SPINK1: variants seen among roughly 807,000 people sequenced by gnomAD.
SPINK1 encodes serine protease inhibitor Kazal-type 1.
In SPINK1, 5 loss-of-function variants were observed where a neutral mutation model predicts 9.5. The ratio of observed to expected loss-of-function variants is 0.52; its 90% CI spans 0.27 to 1.10. The LOEUF (loss-of-function observed/expected upper bound fraction) is 1.10. Ranked by LOEUF, SPINK1 falls within the 50% of genes least tolerant of loss-of-function variation. SPINK1 has a pLI of 0.11. For synonymous variants in SPINK1, 37 were observed against 32.3 expected, an observed-to-expected ratio of 1.14 and a Z score of -0.49; for missense variants, 88 against 92.7, an observed-to-expected ratio of 0.95 and a Z score of 0.21.
chr5:147,837,072 C>A, the SPINK1 span, among the ~76,000 whole-genome samples: 2 of 152,106 alleles, frequency 1.3e-5, no homozygotes, highest in African/African-American at 4.8e-5. Flanking sequence ...ATATTTATGA[C>A]CCTCAATTTT....
chr5:147,836,635 A>G (rs1756601547), upstream of SPINK1, among the ~76,000 whole-genome samples: 1 of 152,154 alleles, frequency 6.6e-6, no homozygotes, highest in Non-Finnish European at 1.5e-5. Context: ...AGTAGACTTT[A>G]ATAAGATTGC....
At chr5:147,838,321 G>A in the SPINK1 span, among the ~76,000 whole-genome samples, 2 of 152,164 alleles carry the variant, frequency 1.3e-5, no homozygotes, top group African/African-American at 4.8e-5. Flanking sequence ...GGGACAAAAG[G>A]TCAATTAATG....
chr5:147,831,624 T>TA lies in SPINK1; in HGVS notation c.-48dup. On this transcript the variant is annotated 5_prime_UTR_variant, in exon 1 of 4. Transcript: ENST00000296695. Reference sequence around the variant, plus strand: ...GGTCAGTTGAAAACTGCACCGCACTTACCACGTCTCTTCAGAAGCCTGGGA... The same window carrying TA: ...GGTCAGTTGAAAACTGCACCGCACTTAACCACGTCTCTTCAGAAGCCTGGGA... The TA allele has an allele frequency of 6.2e-7, 1 of 1,610,258 alleles. No individual in the cohort carries two copies. The highest frequency in any genetic ancestry group is 8.5e-7 in the Non-Finnish European group (1 of 1,178,616).
intron 2 of SPINK1, among the ~76,000 whole-genome samples, chr5:147,828,586 G>A (rs1369021280): frequency 6.6e-6 from 1 of 152,126 alleles, no homozygotes; most frequent in African/African-American, 2.4e-5. Context: ...GGCATTGTCG[G>A]GTGTTGGAAG....
upstream of SPINK1, among the ~76,000 whole-genome samples, chr5:147,833,849 A>G (rs9325050): frequency 0.4 from 60,209 of 151,948 alleles, 12,210 homozygotes; most frequent in East Asian, 0.6. Context: ...GCTCCTTTCT[A>G]TCTTTATTCC....
intron 3 of SPINK1, chr5:147,827,801 C>T (rs888626435): frequency 1.9e-5 from 8 of 431,306 alleles, no homozygotes; most frequent in East Asian, 3.9e-5. Context: ...TCCAAGCTAT[C>T]GACTATTTTG....
At chr5:147,829,933 G>A (rs1047033378) in intron 1 of SPINK1, among the ~76,000 whole-genome samples, 3 of 152,194 alleles carry the variant, frequency 2.0e-5, no homozygotes, top group Admixed American at 1.3e-4. Context: ...TGCTGGAAAT[G>A]AATCAGGCAC....
chr5:147,834,116 A>C (rs557803754), upstream of SPINK1, among the ~76,000 whole-genome samples: 50 of 152,282 alleles, frequency 3.3e-4, no homozygotes, highest in South Asian at 2.1e-3. Flanking sequence ...TTCCAACTCT[A>C]TAGCTATTCA....
intron 3 of SPINK1, among the ~76,000 whole-genome samples, chr5:147,825,420 T>C (rs1756382835): frequency 6.9e-6 from 1 of 145,156 alleles, no homozygotes; most frequent in Admixed American, 6.9e-5. Flanking sequence ...CTTTTTTTTC[T>C]TTTTTTTTTC....
At chr5:147,832,628 C>T (rs1756527965), upstream of SPINK1, among the ~76,000 whole-genome samples, 1 of 152,166 alleles carries the variant, frequency 6.6e-6, no homozygotes, top group African/African-American at 2.4e-5. Context: ...ACTGTACTTT[C>T]CCTGCAACTA....
chr5:147,826,137 A>G (rs966343307), intron 3 of SPINK1, among the ~76,000 whole-genome samples: 1 of 152,206 alleles, frequency 6.6e-6, no homozygotes, highest in African/African-American at 2.4e-5. Flanking sequence ...CGTAGAAGGA[A>G]TAGAAAAAGT....
intron 1 of SPINK1, 115 bp from the exon 2 acceptor site, chr5:147,829,745 A>G (rs1756476680): frequency 1.1e-6 from 1 of 929,094 alleles, no homozygotes; most frequent in Non-Finnish European, 1.7e-6. Flanking sequence ...AGGCTCTTTC[A>G]TTCCCCACCC....
At chr5:147,827,960 G>T in intron 3 of SPINK1, 62 bp downstream of exon 3, 1 of 1,286,848 alleles carries the variant, frequency 7.8e-7, no homozygotes, top group Non-Finnish European at 1.1e-6. Context: ...CATATTATCA[G>T]TACACTTGAA....
upstream of SPINK1, among the ~76,000 whole-genome samples, chr5:147,834,863 C>A (rs765167619): frequency 6.6e-6 from 1 of 152,008 alleles, no homozygotes; most frequent in Non-Finnish European, 1.5e-5. Flanking sequence ...GATATGTGAG[C>A]AGACAAATAC....
chr5:147,830,987 A>C (rs1756498253), intron 1 of SPINK1, among the ~76,000 whole-genome samples: 1 of 152,206 alleles, frequency 6.6e-6, no homozygotes, highest in African/African-American at 2.4e-5. Flanking sequence ...AAATACCAGG[A>C]ATTGAAAATA....
intron 1 of SPINK1, 48 bp from the exon 2 acceptor site, chr5:147,829,678 C>A (rs1756475486): frequency 6.5e-7 from 1 of 1,539,202 alleles, no homozygotes; most frequent in Non-Finnish European, 9.0e-7. Flanking sequence ...TGAAAGAAGT[C>A]AGATCTATTC....
upstream of SPINK1, among the ~76,000 whole-genome samples, chr5:147,836,643 T>G (rs1215221137): frequency 6.6e-6 from 1 of 152,056 alleles, no homozygotes; most frequent in Non-Finnish European, 1.5e-5. Context: ...TTAATAAGAT[T>G]GCAAAGAATT....
chr5:147,829,511 C>T (rs1266414431), intron 2 of SPINK1, 88 bp downstream of exon 2: 56 of 1,312,214 alleles, frequency 4.3e-5, no homozygotes, highest in Non-Finnish European at 9.9e-6. Flanking sequence ...TAACTTCAGG[C>T]TAAACTGAAA....
intron 3 of SPINK1, 78 bp from the exon 4 acceptor site, chr5:147,824,784 A>G (rs1162456860): frequency 1.5e-5 from 19 of 1,279,176 alleles, no homozygotes; most frequent in Non-Finnish European, 1.8e-5. Context: ...AAACAGGGGG[A>G]AAAATAACAG....
Sources: gnomAD v4.1 joint callset for allele counts (sites outside exome capture counted in the v4.1 genomes callset) on GRCh38, gnomAD v4.1.1 for gene constraint, MANE v1.5 for transcripts, NCBI Gene and HGNC (gene_info 2026-07-23, HGNC 2026-07-21) for gene names.